FGGY: variants seen among roughly 807,000 people sequenced by gnomAD.
FGGY encodes FGGY carbohydrate kinase domain-containing protein.
Under a neutral mutation model 71.3 loss-of-function variants are expected in FGGY, and 72 were observed. The observed-to-expected ratio is 1.01, with a 90% CI of 0.84 to 1.23. FGGY has a LOEUF of 1.23. Ranked by LOEUF, FGGY falls within the 50% of genes most tolerant of loss-of-function variation. The pLI is 0.00. For missense variants in FGGY, 668 were observed against 682.3 expected, an observed-to-expected ratio of 0.98 and a Z score of 0.23; for synonymous variants, 251 against 250.3, an observed-to-expected ratio of 1.00 and a Z score of -0.02.
chr1:59,574,867 T>G (rs1250086109), intron 8 of FGGY, among the ~76,000 whole-genome samples: 4 of 152,182 alleles, frequency 2.6e-5, no homozygotes, highest in Non-Finnish European at 5.9e-5. Flanking sequence ...ACATCAAATT[T>G]GCTTCCAAAT....
rs927802581 is a variant in FGGY, at chr1:59,684,586, G to A, written c.1512+10453G>A. 2.6e-5 allele frequency among the ~76,000 whole-genome samples: 4 copies of A among 152,168 alleles called. No individual in the cohort carries two copies. The East Asian group carries it at 7.7e-4, about 29-fold the overall frequency. On this transcript the variant is annotated intron_variant, in intron 14 of 15. Coordinates refer to ENST00000303721, the MANE Select transcript of FGGY (RefSeq NM_018291.5). ...TTTCAGCTCAACATAGTAAATATTA[G>A]TAATAACATCTGGATCCTCAGTCTC...
chr1:59,669,540 CTTTTTTTT>C (rs58004594), intron 13 of FGGY, among the ~76,000 whole-genome samples: 2 of 102,502 alleles, frequency 2.0e-5, no homozygotes, highest in Middle Eastern at 8.8e-3. Context: ...TTCTAGACTT[CTTTTTTTT>C]TTTTTTTTTT....
intron 11 of FGGY, among the ~76,000 whole-genome samples, chr1:59,639,652 C>A (rs895142991): frequency 2.0e-5 from 3 of 152,136 alleles, no homozygotes; most frequent in African/African-American, 7.2e-5. Context: ...TATCTGAAGC[C>A]AAATAGAGCT....
At chr1:59,356,458 A>T (rs780467423) in intron 4 of FGGY, among the ~76,000 whole-genome samples, 6 of 152,098 alleles carry the variant, frequency 3.9e-5, no homozygotes, top group Non-Finnish European at 8.8e-5. Context: ...GCCTTCCTTG[A>T]CTTAGGGTCC....
At chr1:59,551,647 C>T (rs557616569) in intron 7 of FGGY, among the ~76,000 whole-genome samples, 5 of 152,140 alleles carry the variant, frequency 3.3e-5, no homozygotes, top group Non-Finnish European at 7.4e-5. Flanking sequence ...GGGGAAGAAC[C>T]AGCACTTTGG....
At chr1:59,592,118 G>T (rs1016828683) in intron 8 of FGGY, among the ~76,000 whole-genome samples, 12 of 152,058 alleles carry the variant, frequency 7.9e-5, no homozygotes, top group African/African-American at 2.9e-4. Context: ...TCAAAAAGTG[G>T]GCAAAGGACA....
rs372920720 is a variant in FGGY at position 59,673,420 on chromosome 1, G to T, written c.1418-619G>T. ...GAAGCAGCAAGGAGGCCAGGACTAC[G>T]TGGCTGGAAGGAGAAGAGGAGGATA... On this transcript the variant is annotated intron_variant, in intron 13 of 15. Coordinates refer to ENST00000303721, the MANE Select transcript of FGGY (RefSeq NM_018291.5). Among the ~76,000 whole-genome samples the T allele has an allele frequency of 2.6e-5, 4 of 152,270 alleles. No homozygotes were observed. In the East Asian group the frequency reaches 7.7e-4, roughly 29 times the overall value.
chr1:59,699,486 C>G (rs1241575751), intron 14 of FGGY: 3 of 814,448 alleles, frequency 3.7e-6, no homozygotes, highest in South Asian at 1.1e-4. Flanking sequence ...AACAACCCCT[C>G]TGCTCTTTTG....
At chr1:59,480,670 T>A (rs2093436347) in intron 6 of FGGY, among the ~76,000 whole-genome samples, 1 of 152,152 alleles carries the variant, frequency 6.6e-6, no homozygotes, top group South Asian at 2.1e-4. Flanking sequence ...AAGTGTTTTC[T>A]AGGTGAAGAG....
chr1:59,612,103 C>A (rs1390900448), intron 9 of FGGY, among the ~76,000 whole-genome samples: 1 of 152,346 alleles, frequency 6.6e-6, no homozygotes. Flanking sequence ...CTTCCCCAAC[C>A]TAGCTAGGCA....
At chr1:59,504,956 A>G (rs1025838116) in intron 6 of FGGY, among the ~76,000 whole-genome samples, 7 of 152,238 alleles carry the variant, frequency 4.6e-5, no homozygotes, top group Non-Finnish European at 7.3e-5. Context: ...CTGAGGGGAA[A>G]TGAATATAGA....
intron 14 of FGGY, among the ~76,000 whole-genome samples, chr1:59,728,944 C>G (rs778346528): frequency 6.6e-6 from 1 of 152,034 alleles, no homozygotes; most frequent in Non-Finnish European, 1.5e-5. Flanking sequence ...TTGGGAAATT[C>G]TTAGCCATTA....
chr1:59,669,054 G>T (rs1190008336), intron 13 of FGGY, among the ~76,000 whole-genome samples: 4 of 148,162 alleles, frequency 2.7e-5, no homozygotes, highest in Non-Finnish European at 1.5e-5. Flanking sequence ...GTGAAGTATA[G>T]AAAGTATTAC....
chr1:59,301,760 C>G (rs1262219402), intron 1 of FGGY, among the ~76,000 whole-genome samples: 3 of 119,192 alleles, frequency 2.5e-5, no homozygotes, highest in Middle Eastern at 0.01. Flanking sequence ...GTTGCCCAGG[C>G]TGGAGTGAAG....
At chr1:59,636,408 T>C (rs1316948987) in intron 10 of FGGY, among the ~76,000 whole-genome samples, 2 of 151,958 alleles carry the variant, frequency 1.3e-5, no homozygotes, top group Non-Finnish European at 2.9e-5. Flanking sequence ...GATCACGAGG[T>C]CAGGAGATTG....
chr1:59,608,412 G>A (rs896575767), intron 9 of FGGY, among the ~76,000 whole-genome samples: 3 of 152,094 alleles, frequency 2.0e-5, no homozygotes, highest in Non-Finnish European at 4.4e-5. Context: ...TTCTTTCCCT[G>A]CTTGGGGAGT....
chr1:59,531,926 G>A lies in FGGY; in HGVS notation c.799+19487G>A, dbSNP rs865822116. ...GAAGCAAGGTTATATCCTTTCTAGA[G>A]GTAGGTAACATAATCAGAAGCTCAA... On this transcript the variant is annotated intron_variant, in intron 7 of 15. Transcript: ENST00000303721. 1.3e-4 allele frequency among the ~76,000 whole-genome samples: 20 copies of A among 152,280 alleles called. 1 individual carries two copies. The Middle Eastern group carries it at 0.01, about 78-fold the overall frequency.
intron 5 of FGGY, among the ~76,000 whole-genome samples, chr1:59,422,537 A>T (rs527599428): frequency 0.03 from 4,548 of 151,902 alleles, 98 homozygotes; most frequent in South Asian, 0.073. Flanking sequence ...GTACTAAAAA[A>T]CTGGAAAATT....
chr1:59,584,814 C>A (rs978292460), intron 8 of FGGY, among the ~76,000 whole-genome samples: 1 of 150,144 alleles, frequency 6.7e-6, no homozygotes, highest in Non-Finnish European at 1.5e-5. Flanking sequence ...TAGGCAACTT[C>A]AGCAAAGTTT....
Sources: allele counts gnomAD v4.1 joint callset (sites outside exome capture counted in the v4.1 genomes callset), GRCh38; gene constraint gnomAD v4.1.1; transcripts MANE v1.5; gene names NCBI Gene and HGNC (gene_info 2026-07-23, HGNC 2026-07-21).